The following ASTN1 variants were observed in gnomAD, a reference collection of about 807,000 sequenced individuals.
ASTN1 encodes astrotactin 1.
ASTN1 carries 41 observed loss-of-function variants against 140.7 expected under a neutral mutation model. The observed-to-expected ratio is 0.29, with a 90% CI of 0.23 to 0.38. The LOEUF is 0.38. Ranked by LOEUF, ASTN1 falls within the 10% of genes least tolerant of loss-of-function variation. The pLI is 1.00. For synonymous variants in ASTN1, 640 were observed against 652.2 expected (o/e 0.98, Z 0.29); for missense variants, 1,479 against 1,678.8 (o/e 0.88, Z 2.08).
intron 8 of ASTN1, among the ~76,000 whole-genome samples, chr1:176,987,903 G>A (rs1243776654): frequency 1.3e-5 from 2 of 152,142 alleles, no homozygotes; most frequent in Admixed American, 6.5e-5. Context: ...GCAACTAACA[G>A]GATATGTGTG....
In ASTN1 at chr1:176,861,472, T is replaced by G. The variant is rs954101470; in HGVS notation, c.*2812A>C. Reference sequence around the variant, plus strand: ...AACTCAAGGTTGAATACCGGTCCAGTACCATCACCCTTTCTAGCCAGGATG... The same window carrying G: ...AACTCAAGGTTGAATACCGGTCCAGGACCATCACCCTTTCTAGCCAGGATG... On this transcript the variant is annotated 3_prime_UTR_variant, in exon 23 of 23. Transcript: ENST00000361833. The G allele has an allele frequency of 9.1e-6, 9 of 985,868 alleles. No individual in the cohort carries two copies. In the African/African-American group the frequency reaches 1.6e-4, roughly 17 times the overall value. 61.1% of individuals were successfully genotyped at this position (985,868 alleles called of 1,614,324 possible).
At chr1:177,069,781 AGT>A (rs1678546214) in intron 1 of ASTN1, among the ~76,000 whole-genome samples, 1 of 152,012 alleles carries the variant, frequency 6.6e-6, no homozygotes. Context: ...TTCCTACCAC[AGT>A]GTTTCTCTGG....
At chr1:177,149,221 A>ATATATATAGTG (rs1682875766) in intron 1 of ASTN1, among the ~76,000 whole-genome samples, 14 of 98,786 alleles carry the variant, frequency 1.4e-4, no homozygotes, top group African/African-American at 7.7e-4. Flanking sequence ...TATATAGTAA[A>ATATATATAGTG]TATATATAGT....
At chr1:176,869,124 CACATATAA>C in intron 21 of ASTN1, 97 bp from the exon 22 acceptor site, 2 of 801,076 alleles carry the variant, frequency 2.5e-6, no homozygotes, top group Non-Finnish European at 3.5e-6. Context: ...ATAGACATAT[CACATATAA>C]ACATATGTAG....
chr1:177,104,499 C>T (rs911932915), intron 1 of ASTN1, among the ~76,000 whole-genome samples: 5 of 152,052 alleles, frequency 3.3e-5, no homozygotes, highest in Admixed American at 6.5e-5. Context: ...TGTGCTGTGA[C>T]GCAGGAGTCA....
intron 1 of ASTN1, among the ~76,000 whole-genome samples, chr1:177,077,504 T>C (rs79715204): frequency 0.016 from 2,500 of 152,258 alleles, 69 homozygotes; most frequent in African/African-American, 0.056. Flanking sequence ...CTTTATAAAG[T>C]TGTTGTGAGG....
chr1:176,965,103 G>A, intron 9 of ASTN1, 60 bp downstream of exon 9: 2 of 1,512,372 alleles, frequency 1.3e-6, no homozygotes, highest in South Asian at 1.1e-5. Flanking sequence ...AGTCAGTTCG[G>A]GGGAAGCGGA....
At chr1:177,067,846 G>A (rs925890189) in intron 1 of ASTN1, among the ~76,000 whole-genome samples, 1 of 152,100 alleles carries the variant, frequency 6.6e-6, no homozygotes, top group African/African-American at 2.4e-5. Context: ...GCAGAGAGGA[G>A]GAACAAAGTC....
At chr1:176,996,177 AG>A (rs1674429523) in intron 8 of ASTN1, among the ~76,000 whole-genome samples, 1 of 152,036 alleles carries the variant, frequency 6.6e-6, no homozygotes, top group Non-Finnish European at 1.5e-5. Context: ...AGAGCTTCAA[AG>A]GGACCAAGAA....
Position 176,953,452 on chromosome 1 carries a change from C to T in ASTN1, c.1888-4101G>A, listed in dbSNP as rs115438218. On this transcript the variant is annotated intron_variant, in intron 11 of 22. Transcript: ENST00000361833. ...CTCACTTCTTTTACAAATAATGATT[C>T]CCAAACTTTTTGATGGGCTCTGACA... is the stretch of plus-strand genomic sequence containing the variant. Among the ~76,000 whole-genome samples the T allele has an allele frequency of 2.6e-3, 399 of 152,316 alleles. 1 individual carries two copies. The highest frequency in any genetic ancestry group is 9.1e-3 in the African/African-American group (378 of 41,578).
intron 1 of ASTN1, among the ~76,000 whole-genome samples, chr1:177,158,654 ACGTG>A (rs1248756022): frequency 9.2e-6 from 1 of 108,198 alleles, no homozygotes; most frequent in South Asian, 4.0e-4. Flanking sequence ...AGAAAAAAGT[ACGTG>A]TGTGTGTGTG....
downstream of ASTN1, among the ~76,000 whole-genome samples, chr1:176,859,876 G>A (rs1430728871): frequency 6.6e-6 from 1 of 152,228 alleles, no homozygotes; most frequent in Non-Finnish European, 1.5e-5. Context: ...AGATATTCAG[G>A]AGGAGCTTGC....
chr1:177,142,604 C>T (rs977046269), intron 1 of ASTN1, among the ~76,000 whole-genome samples: 1 of 152,100 alleles, frequency 6.6e-6, no homozygotes, highest in Non-Finnish European at 1.5e-5. Flanking sequence ...CTACTCTTCA[C>T]ATTCAAAATG....
intron 11 of ASTN1, 51 bp from the exon 12 acceptor site, chr1:176,949,402 T>G (rs999114427): frequency 6.4e-7 from 1 of 1,570,714 alleles, no homozygotes; most frequent in Admixed American, 1.8e-5. Flanking sequence ...GGGAACTGAG[T>G]TCTCTGGGAA....
intron 2 of ASTN1, among the ~76,000 whole-genome samples, chr1:177,049,419 T>C (rs1257946554): frequency 6.6e-6 from 1 of 152,178 alleles, no homozygotes; most frequent in Non-Finnish European, 1.5e-5. Flanking sequence ...AAAAAGCAAG[T>C]CAATTTAAAT....
rs767323181 is a variant in ASTN1, at chr1:176,876,558, C to A, written c.3442G>T (p.Val1148Leu). The change falls in exon 21 of 23, where the codon GTG (valine) becomes TTG (leucine). Residue 1148 changes from valine to leucine, a missense_variant. By Grantham distance (32) the Val-to-Leu change is conservative. Coordinates refer to ENST00000361833, the MANE Select transcript of ASTN1 (RefSeq NM_004319.3). ...TTACCTTGAGCCTTGACATCATCCACCACGGGGCATGGGGTCTTCACGATC... is the reference window on the plus strand; with the variant it reads ...TTACCTTGAGCCTTGACATCATCCAACACGGGGCATGGGGTCTTCACGATC... ...DVIVKTPCPV[V>L]DDVKAQEIAD... 6.2e-7 allele frequency: 1 copy of A among 1,614,082 alleles called. No individual in the cohort carries two copies. Among genetic ancestry groups the A allele is most frequent in the African/African-American group, 1.3e-5 (1 of 74,948 alleles).
At chr1:177,042,809 G>A (rs1677039414) in intron 2 of ASTN1, among the ~76,000 whole-genome samples, 1 of 152,182 alleles carries the variant, frequency 6.6e-6, no homozygotes, top group Non-Finnish European at 1.5e-5. Flanking sequence ...CCACCACTGT[G>A]GTCTGGGCTC....
intron 1 of ASTN1, among the ~76,000 whole-genome samples, chr1:177,098,292 G>A (rs1215778473): frequency 6.9e-6 from 1 of 145,638 alleles, no homozygotes; most frequent in African/African-American, 2.8e-5. Flanking sequence ...TGGCCAATTG[G>A]TTGTTGGCGT....
chr1:176,970,624 T>G (rs78140234), intron 8 of ASTN1, among the ~76,000 whole-genome samples: 7 of 151,000 alleles, frequency 4.6e-5, no homozygotes, highest in Non-Finnish European at 1.0e-4. Flanking sequence ...GACAGACAGA[T>G]AGATAGATAA....
Sources: gnomAD v4.1 joint callset for allele counts (sites outside exome capture counted in the v4.1 genomes callset) on GRCh38, gnomAD v4.1.1 for gene constraint, MANE v1.5 for transcripts, NCBI Gene and HGNC (gene_info 2026-07-23, HGNC 2026-07-21) for gene names.